TNIP1: variants seen among roughly 807,000 people sequenced by gnomAD.
TNIP1 encodes the protein TNFAIP3 interacting protein 1.
Under a neutral mutation model 86.6 loss-of-function variants are expected in TNIP1, and 22 were observed. The ratio of observed to expected loss-of-function variants is 0.25; its 90% CI spans 0.18 to 0.36. The LOEUF (loss-of-function observed/expected upper bound fraction) is 0.36, where lower values mean the gene tolerates loss of function less well. Ranked by LOEUF, TNIP1 falls within the 10% of genes least tolerant of loss-of-function variation. The pLI is 1.00. For synonymous variants in TNIP1, 294 were observed against 313.0 expected (o/e 0.94, Z 0.64); for missense variants, 709 against 820.6 (o/e 0.86, Z 1.66).
At chr5:151,086,884 CT>C (rs1764298668) in intron 1 of TNIP1, among the ~76,000 whole-genome samples, 1 of 152,228 alleles carries the variant, frequency 6.6e-6, no homozygotes, top group African/African-American at 2.4e-5. Flanking sequence ...GAGAAGGAGG[CT>C]GGGTGAGGAG....
chr5:151,052,099 C>G, intron 7 of TNIP1, 66 bp downstream of exon 7: 1 of 1,469,446 alleles, frequency 6.8e-7, no homozygotes, highest in Non-Finnish European at 9.4e-7. Context: ...GAAATCAGTG[C>G]TGCACACCAG....
chr5:151,082,333 A>AAGGG (rs1764084189), upstream of TNIP1, among the ~76,000 whole-genome samples: 1 of 152,154 alleles, frequency 6.6e-6, no homozygotes, highest in African/African-American at 2.4e-5. Flanking sequence ...CTTGATTCAG[A>AAGGG]AGGGAGGGAG....
intron 7 of TNIP1, 118 bp from the exon 8 acceptor site, chr5:151,050,065 T>C: frequency 6.7e-7 from 1 of 1,502,550 alleles, no homozygotes; most frequent in Non-Finnish European, 8.9e-7. Context: ...TACTGCAGGA[T>C]CCTGAAACCT....
chr5:151,070,946 G>A (rs952975914), intron 1 of TNIP1, among the ~76,000 whole-genome samples: 1 of 151,556 alleles, frequency 6.6e-6, no homozygotes, highest in Non-Finnish European at 1.5e-5. Flanking sequence ...GGTGACAGTG[G>A]TGTCAATGTA....
chr5:151,059,881 G>A lies in TNIP1; in HGVS notation c.435+437C>T, dbSNP rs936277433. Reference sequence around the variant, plus strand: ...TGTGTGTGTGTGCGCGCGCGCGCGCGCATGCGTGTAAGTGGAAAGTTGAAC... The same window carrying A: ...TGTGTGTGTGTGCGCGCGCGCGCGCACATGCGTGTAAGTGGAAAGTTGAAC... On this transcript the variant is annotated intron_variant, in intron 5 of 17. Transcript: ENST00000521591. Among the ~76,000 whole-genome samples, 10 of 126,222 alleles carry A rather than the reference G, an allele frequency of 7.9e-5. No individual in the cohort carries two copies. The South Asian group carries it at 1.9e-3, about 23-fold the overall frequency. 82.8% of individuals were successfully genotyped at this position (126,222 alleles called of 152,430 possible). A position where few individuals can be genotyped will look rare whatever the true frequency, so the allele number is the denominator to read the frequency against.
At chr5:151,075,722 G>A (rs558815153) in intron 1 of TNIP1, among the ~76,000 whole-genome samples, 1 of 152,372 alleles carries the variant, frequency 6.6e-6, no homozygotes, top group Admixed American at 6.5e-5. Context: ...AGGGACCAGG[G>A]CTCCTAAGTC....
At chr5:151,055,719 T>C (rs1450913911) in intron 6 of TNIP1, among the ~76,000 whole-genome samples, 1 of 152,182 alleles carries the variant, frequency 6.6e-6, no homozygotes, top group Non-Finnish European at 1.5e-5. Flanking sequence ...CCTTCTGCCA[T>C]CAGCGGGGCA....
chr5:151,043,861 T>C (rs1201531744), intron 9 of TNIP1, among the ~76,000 whole-genome samples: 1 of 151,840 alleles, frequency 6.6e-6, no homozygotes, highest in Non-Finnish European at 1.5e-5. Flanking sequence ...CTATCCACCA[T>C]ACTCTTGATA....
At chr5:151,038,974 T>C in intron 12 of TNIP1, 123 bp downstream of exon 12, 1 of 1,330,442 alleles carries the variant, frequency 7.5e-7, no homozygotes, top group South Asian at 1.5e-5. Context: ...GGAAACAGGA[T>C]GCCAGCTCAC....
intron 9 of TNIP1, among the ~76,000 whole-genome samples, chr5:151,043,390 A>G (rs1758708701): frequency 6.6e-6 from 1 of 152,244 alleles, no homozygotes; most frequent in Non-Finnish European, 1.5e-5. Context: ...CAATACCTGT[A>G]TTACAAAAAA....
At chr5:151,032,566 G>A in intron 16 of TNIP1, 183 bp from the exon 17 acceptor site, 1 of 641,862 alleles carries the variant, frequency 1.6e-6, no homozygotes, top group East Asian at 2.8e-5. Context: ...ACTTGCTGAA[G>A]GTCATCTAGC....
At chr5:151,045,627 C>A (rs1186073605) in intron 9 of TNIP1, among the ~76,000 whole-genome samples, 1 of 152,190 alleles carries the variant, frequency 6.6e-6, no homozygotes, top group Non-Finnish European at 1.5e-5. Context: ...TTAGGCCATG[C>A]CCCACATGCC....
At chr5:151,041,931 T>C (rs796666462) in intron 11 of TNIP1, among the ~76,000 whole-genome samples, 1 of 149,664 alleles carries the variant, frequency 6.7e-6, no homozygotes, top group Non-Finnish European at 1.5e-5. Flanking sequence ...ACAGCAGGCC[T>C]GCTTGGATCT....
chr5:151,068,116 T>C (rs1441029943), intron 1 of TNIP1, among the ~76,000 whole-genome samples: 1 of 152,132 alleles, frequency 6.6e-6, no homozygotes, highest in African/African-American at 2.4e-5. Flanking sequence ...AGAAAGGCAG[T>C]GGGCAGAGGA....
chr5:151,081,906 T>A (rs1243007629), upstream of TNIP1, among the ~76,000 whole-genome samples: 1 of 152,206 alleles, frequency 6.6e-6, no homozygotes, highest in Non-Finnish European at 1.5e-5. Context: ...CTTTTATTTT[T>A]AAAAAGAAAG....
At position 151,035,682 on chromosome 5, in the gene TNIP1, T is replaced by C. The variant is rs754350220; in HGVS notation, c.1421A>G (p.Gln474Arg). 2 of 1,614,058 alleles carry C rather than the reference T, an allele frequency of 1.2e-6. No homozygotes were observed. Among genetic ancestry groups the C allele is most frequent in the Non-Finnish European group, 1.7e-6 (2 of 1,179,992 alleles). ...QQVKIFEEDF[Q>R]RERSDRERMN... The stretch of plus-strand genomic sequence containing the variant: ...GCGCTCACGATCACTGCGCTCCCTC[T>C]GGAAGTCCTCCTCGAAGATCTTCAC... The change falls in exon 14 of 18, where the codon CAG becomes CGG. Residue 474 changes from glutamine to arginine, a missense_variant. Coordinates refer to ENST00000521591, the MANE Select transcript of TNIP1 (RefSeq NM_006058.5).
intron 1 of TNIP1, among the ~76,000 whole-genome samples, chr5:151,065,642 C>CT (rs1762138397): frequency 6.6e-6 from 1 of 152,102 alleles, no homozygotes; most frequent in East Asian, 1.9e-4. Flanking sequence ...AAATGAAAGT[C>CT]TTAAGTTAAT....
intron 3 of TNIP1, among the ~76,000 whole-genome samples, chr5:151,062,530 T>C (rs1234255169): frequency 6.6e-6 from 1 of 152,160 alleles, no homozygotes; most frequent in African/African-American, 2.4e-5. Flanking sequence ...TCTTTATGTA[T>C]CTATTATCCC....
intron 1 of TNIP1, among the ~76,000 whole-genome samples, chr5:151,065,838 T>C (rs1313339094): frequency 6.6e-6 from 1 of 152,222 alleles, no homozygotes; most frequent in African/African-American, 2.4e-5. Flanking sequence ...TCCCTTGCAG[T>C]TCTAAGGAAC....
Sources: allele counts gnomAD v4.1 joint callset (sites outside exome capture counted in the v4.1 genomes callset), GRCh38; gene constraint gnomAD v4.1.1; transcripts MANE v1.5; gene names NCBI Gene and HGNC (gene_info 2026-07-23, HGNC 2026-07-21).